The following MAP1LC3A variants were observed in gnomAD, a reference collection of about 807,000 sequenced individuals.
The protein encoded by MAP1LC3A is microtubule-associated protein 1 light chain 3 alpha.
In MAP1LC3A, 10 loss-of-function variants were observed where a neutral mutation model predicts 15.2. The observed-to-expected ratio is 0.66, with a 90% CI of 0.41 to 1.12. MAP1LC3A has a LOEUF of 1.12. Ranked by LOEUF, MAP1LC3A falls within the 50% of genes most tolerant of loss-of-function variation. The probability of loss-of-function intolerance (pLI) is 0.00; values close to 1 mark genes in which losing one functional copy is unlikely to be tolerated. For synonymous variants in MAP1LC3A, 63 were observed against 64.3 expected, an observed-to-expected ratio of 0.98 and a Z score of 0.10; for missense variants, 138 against 167.3, an observed-to-expected ratio of 0.82 and a Z score of 0.97.
upstream of MAP1LC3A, among the ~76,000 whole-genome samples, chr20:34,553,742 G>GC (rs1982035288): frequency 6.6e-6 from 1 of 152,156 alleles, no homozygotes; most frequent in South Asian, 2.1e-4. Context: ...GAACCAGGTG[G>GC]CTGCCAGAGA....
At chr20:34,557,219 A>G (rs191226734), upstream of MAP1LC3A, among the ~76,000 whole-genome samples, 2 of 151,778 alleles carry the variant, frequency 1.3e-5, no homozygotes, top group Admixed American at 1.3e-4. Flanking sequence ...CACATTTTCT[A>G]CCTCTGGTTT....
intron 3 of MAP1LC3A, 50 bp from the exon 4 acceptor site, chr20:34,559,686 C>T (rs770017526): frequency 5.6e-5 from 87 of 1,550,584 alleles, no homozygotes; most frequent in Admixed American, 2.5e-4. Flanking sequence ...GGGCTATGTC[C>T]GTCCCGCAGC....
intron 2 of MAP1LC3A, among the ~76,000 whole-genome samples, chr20:34,553,014 C>T (rs1033830044): frequency 9.9e-5 from 15 of 152,170 alleles, no homozygotes; most frequent in African/African-American, 3.6e-4. Flanking sequence ...CATGGTGAAA[C>T]CCCGTCTCTA....
upstream of MAP1LC3A, chr20:34,558,301 G>C (rs905053637): frequency 2.0e-6 from 2 of 985,874 alleles, no homozygotes; most frequent in Non-Finnish European, 2.4e-6. The surrounding 1 kb of genome is among the most constrained non-coding windows in gnomAD (Gnocchi z 4.3). Flanking sequence ...TCCTGTGTCT[G>C]ACTGTGCCTC....
intron 2 of MAP1LC3A, among the ~76,000 whole-genome samples, chr20:34,550,875 C>A (rs776115968): frequency 1.3e-5 from 2 of 152,144 alleles, no homozygotes; most frequent in Non-Finnish European, 2.9e-5. Context: ...TTCACAATCA[C>A]CAAAAGCTGG....
In MAP1LC3A at chr20:34,559,766, C is replaced by G. The variant is rs1982364173; in HGVS notation, c.234C>G (p.Ala78=). 2.5e-6 allele frequency: 4 copies of G among 1,612,622 alleles called. No individual in the cohort carries two copies. Among genetic ancestry groups the G allele is most frequent in the Non-Finnish European group, 3.4e-6 (4 of 1,179,686 alleles). ...RRRLQLNPTQ[A]FFLLVNQHSM... is the part of the protein sequence containing the mutation. ...GCCTGCAGCTGAACCCCACGCAGGC[C>G]TTCTTCCTGCTGGTGAACCAGCACA... Residue 78 remains alanine, a synonymous_variant, in exon 4 of 4, where the codon GCC becomes GCG. Transcript: ENST00000360668.
upstream of MAP1LC3A, among the ~76,000 whole-genome samples, chr20:34,554,701 G>A (rs987188459): frequency 2.0e-5 from 3 of 150,818 alleles, no homozygotes; most frequent in Admixed American, 6.6e-5. Context: ...GGGGTCTCTC[G>A]CTCTGTCGCC....
rs151117651 is a variant in MAP1LC3A at position 34,550,458 on chromosome 20, A to G, written c.52+429A>G. Among the ~76,000 whole-genome samples the G allele has an allele frequency of 5.7e-3, 872 of 152,314 alleles. 11 individuals are homozygous for G. The highest frequency in any genetic ancestry group is 0.02 in the African/African-American group (832 of 41,566). On this transcript the variant is annotated intron_variant, in intron 2 of 4. Coordinates refer to the MAP1LC3A transcript ENST00000374837. ...AAATAATAATTACTGAGCACCCACC[A>G]TGTGCCACACTCTAAGTCCTGGGGT...
At chr20:34,552,526 G>A (rs1981986288) in intron 2 of MAP1LC3A, among the ~76,000 whole-genome samples, 1 of 152,228 alleles carries the variant, frequency 6.6e-6, no homozygotes, top group African/African-American at 2.4e-5. Flanking sequence ...GAGCCTGACA[G>A]GGATTCCTAG....
At chr20:34,554,201 A>G (rs2146674313), upstream of MAP1LC3A, among the ~76,000 whole-genome samples, 1 of 152,108 alleles carries the variant, frequency 6.6e-6, no homozygotes, top group African/African-American at 2.4e-5. Flanking sequence ...TGTGAGTGAC[A>G]GGTTTGCTCT....
Position 34,558,763 on chromosome 20 carries a change from C to G in MAP1LC3A, c.-106C>G. On this transcript the variant is annotated 5_prime_UTR_variant, in exon 1 of 4. Coordinates refer to ENST00000360668, the MANE Select transcript of MAP1LC3A (RefSeq NM_032514.4). This position sits in a 1 kb window ranked among gnomAD's most constrained non-coding sequence, Gnocchi z 4.3. ...CCGCAGCCGCCGTGCTCAGCGCGAG[C>G]CCCGGAGCCCTTGAGCGCGAGGCGC... 7.5e-7 allele frequency: 1 copy of G among 1,337,556 alleles called. No homozygotes were observed. The highest frequency in any genetic ancestry group is 9.5e-7 in the Non-Finnish European group (1 of 1,052,230). The allele number at this position is 1,337,556 out of a possible 1,614,324, so 82.9% of individuals were successfully genotyped here.
chr20:34,558,665 T>C, upstream of MAP1LC3A: 3 of 1,234,214 alleles, frequency 2.4e-6, no homozygotes, highest in Non-Finnish European at 3.0e-6. This position sits in a 1 kb window ranked among gnomAD's most constrained non-coding sequence, Gnocchi z 4.3. Context: ...GTCGGCCCAA[T>C]GGGAGCGGCG....
intron 1 of MAP1LC3A, among the ~76,000 whole-genome samples, chr20:34,548,272 G>A (rs1255071894): frequency 6.6e-6 from 1 of 152,232 alleles, no homozygotes; most frequent in African/African-American, 2.4e-5. Context: ...TGGAGGTGGG[G>A]ATTGTACGTC....
In MAP1LC3A at chr20:34,560,161, CT is replaced by C; in HGVS notation, c.*271del. The C allele has an allele frequency of 2.3e-4, 82 of 361,934 alleles. No individual in the cohort carries two copies. The highest frequency in any genetic ancestry group is 4.7e-4 in the South Asian group (13 of 27,470). The allele number at this position is 361,934 out of a possible 1,614,324, so 22.4% of individuals were successfully genotyped here. A position where few individuals can be genotyped will look rare whatever the true frequency, so the allele number is the denominator to read the frequency against. On this transcript the variant is annotated 3_prime_UTR_variant, in exon 4 of 4. Coordinates refer to ENST00000360668, the MANE Select transcript of MAP1LC3A (RefSeq NM_032514.4). The stretch of plus-strand genomic sequence containing the variant: ...CCAGCACCCCTGCTGTGTGGTTCAT[CT>C]TTTTTTTAGGCCCCTGCCTGTCTGC...
chr20:34,554,348 C>T (rs1040010267), upstream of MAP1LC3A, among the ~76,000 whole-genome samples: 1 of 132,970 alleles, frequency 7.5e-6, no homozygotes, highest in South Asian at 2.7e-4. Flanking sequence ...GTTTACTATA[C>T]GTTGGGTTTT....
chr20:34,549,665 C>A (rs1222231526), intron 1 of MAP1LC3A, among the ~76,000 whole-genome samples: 2 of 152,284 alleles, frequency 1.3e-5, no homozygotes, highest in East Asian at 3.9e-4. Context: ...CATCCTAATT[C>A]AGGGGGCGGG....
Position 34,559,516 on chromosome 20 carries a change from G to A in MAP1LC3A, c.203+63G>A. ...GGGAGGGGAGCCGGGTTCCCGCCGA[G>A]AAGGGGTGGGAGTGGGGTCAGGGGT... On this transcript the variant is annotated intron_variant, in intron 3 of 3. Transcript: ENST00000360668. 3.4e-6 allele frequency: 5 copies of A among 1,466,832 alleles called. No individual in the cohort carries two copies. In the South Asian group the frequency reaches 5.9e-5, roughly 17 times the overall value. The allele number at this position is 1,466,832 out of a possible 1,614,324, so 90.9% of individuals were successfully genotyped here.
chr20:34,556,138 G>A (rs886073726), upstream of MAP1LC3A, among the ~76,000 whole-genome samples: 33 of 152,258 alleles, frequency 2.2e-4, no homozygotes, highest in African/African-American at 7.2e-4. Flanking sequence ...CACTGCGCCC[G>A]GCCACCAAGT....
chr20:34,555,019 GT>G (rs200182100), upstream of MAP1LC3A, among the ~76,000 whole-genome samples: 1,228 of 151,368 alleles, frequency 8.1e-3, 21 homozygotes, highest in African/African-American at 0.029. Context: ...ATTTTTTGTT[GT>G]TGTTGTTTTT....
Sources: gnomAD v4.1 joint callset for allele counts (sites outside exome capture counted in the v4.1 genomes callset) on GRCh38, gnomAD v4.1.1 for gene constraint, Gnocchi (gnomAD v3.1) non-coding constraint, MANE v1.5 for transcripts, NCBI Gene and HGNC (gene_info 2026-07-23, HGNC 2026-07-21) for gene names.